The following LRP1B variants were observed in gnomAD, a reference collection of about 807,000 sequenced individuals.
LRP1B encodes the protein low-density lipoprotein receptor-related protein 1B.
In LRP1B, 217 loss-of-function variants were observed where a neutral mutation model predicts 556.6. That is an observed-to-expected ratio of 0.39 (90% CI 0.35 to 0.44). LRP1B has a LOEUF of 0.44. Among genes scored for constraint, LRP1B ranks in the 20% least tolerant of loss-of-function variants. The pLI, the probability that LRP1B is intolerant of heterozygous loss-of-function variation, is 1.00. For missense variants in LRP1B, 5,053 were observed against 5,620.8 expected (o/e 0.90, Z 3.23); for synonymous variants, 2,047 against 1,865.8 (o/e 1.10, Z -2.50).
intron 2 of LRP1B, among the ~76,000 whole-genome samples, chr2:141,722,245 G>A (rs918268621): frequency 6.6e-6 from 1 of 152,090 alleles, no homozygotes; most frequent in Non-Finnish European, 1.5e-5. Context: ...GGGCATGGTG[G>A]TGGGCACCTG....
intron 1 of LRP1B, among the ~76,000 whole-genome samples, chr2:141,830,793 G>A (rs1697089312): frequency 6.6e-6 from 1 of 151,726 alleles, no homozygotes; most frequent in Non-Finnish European, 1.5e-5. Context: ...AAACCAAAAG[G>A]AAAACTGTAA....
At chr2:142,068,938 G>A (rs1467745001) in intron 1 of LRP1B, among the ~76,000 whole-genome samples, 1 of 151,606 alleles carries the variant, frequency 6.6e-6, no homozygotes, top group Non-Finnish European at 1.5e-5. Flanking sequence ...ATGAATAATA[G>A]AATGTAGCTG....
At chr2:141,439,053 A>G (rs530694058) in intron 3 of LRP1B, among the ~76,000 whole-genome samples, 1 of 152,310 alleles carries the variant, frequency 6.6e-6, no homozygotes, top group African/African-American at 2.4e-5. Flanking sequence ...CAACCATTTT[A>G]TATAATGTTC....
chr2:140,364,890 C>G (rs1172851268), intron 71 of LRP1B, 107 bp from the exon 72 acceptor site: 1 of 861,646 alleles, frequency 1.2e-6, no homozygotes, highest in Non-Finnish European at 1.8e-6. Flanking sequence ...TTGACTGCTT[C>G]CATATATGTA....
intron 16 of LRP1B, among the ~76,000 whole-genome samples, chr2:140,990,412 A>G (rs879791512): frequency 1.3e-5 from 2 of 152,106 alleles, no homozygotes; most frequent in Non-Finnish European, 2.9e-5. Flanking sequence ...ATTTCTTAAC[A>G]TATTAACTAA....
At chr2:142,038,300 G>A (rs1703955311) in intron 1 of LRP1B, among the ~76,000 whole-genome samples, 2 of 151,470 alleles carry the variant, frequency 1.3e-5, no homozygotes, top group African/African-American at 4.8e-5. Context: ...CGATGTAATT[G>A]GAGCCTTAAA....
chr2:141,364,304 C>T lies in LRP1B; in HGVS notation c.344-109663G>A, dbSNP rs113771697. 5.7e-3 allele frequency among the ~76,000 whole-genome samples: 854 copies of T among 150,900 alleles called. 4 individuals carry two copies. The highest frequency in any genetic ancestry group is 8.1e-3 in the Non-Finnish European group (549 of 67,698). ...ACACACACACACACACGCAAACACA[C>T]ACACAGTTGAATGATTAAATCACAT... On this transcript the variant is annotated intron_variant, in intron 3 of 90. Coordinates refer to ENST00000389484, the MANE Select transcript of LRP1B (RefSeq NM_018557.3).
chr2:141,842,234 C>A (rs1056725226), intron 1 of LRP1B, among the ~76,000 whole-genome samples: 28 of 151,940 alleles, frequency 1.8e-4, no homozygotes, highest in Non-Finnish European at 7.4e-5. Context: ...TTACAGTGAA[C>A]CCTAATTATC....
intron 1 of LRP1B, among the ~76,000 whole-genome samples, chr2:141,829,951 G>A (rs895563335): frequency 6.6e-6 from 1 of 151,822 alleles, no homozygotes; most frequent in Non-Finnish European, 1.5e-5. Flanking sequence ...AGATGGTTTG[G>A]GGGTTTTGTC....
At chr2:140,517,201 G>A (rs1390566444) in intron 49 of LRP1B, among the ~76,000 whole-genome samples, 190 bp from the exon 50 acceptor site, 1 of 152,118 alleles carries the variant, frequency 6.6e-6, no homozygotes, top group Admixed American at 6.6e-5. Context: ...CCAGAACAGA[G>A]ACCCATGAGA....
intron 43 of LRP1B, among the ~76,000 whole-genome samples, chr2:140,553,984 G>A (rs920109678): frequency 2.0e-5 from 3 of 152,068 alleles, no homozygotes; most frequent in Non-Finnish European, 4.4e-5. Context: ...CTATGGGGAA[G>A]CCCCTGGAGG....
At chr2:141,065,778 G>A (rs1699464443) in intron 7 of LRP1B, among the ~76,000 whole-genome samples, 1 of 151,740 alleles carries the variant, frequency 6.6e-6, no homozygotes, top group Non-Finnish European at 1.5e-5. Flanking sequence ...CATATTTGAT[G>A]TTTTCTGAAC....
chr2:141,623,564 T>G (rs563140106), intron 2 of LRP1B, among the ~76,000 whole-genome samples: 3 of 152,292 alleles, frequency 2.0e-5, no homozygotes, highest in African/African-American at 7.2e-5. Context: ...ATACACCCAC[T>G]GAAAATACCC....
chr2:140,558,678 C>T (rs1028200394), intron 43 of LRP1B, among the ~76,000 whole-genome samples: 1 of 152,010 alleles, frequency 6.6e-6, no homozygotes, highest in African/African-American at 2.4e-5. Flanking sequence ...GTGCTTCACA[C>T]TTGAAATCCC....
intron 29 of LRP1B, among the ~76,000 whole-genome samples, chr2:140,848,891 T>C (rs903287958): frequency 3.9e-5 from 6 of 152,270 alleles, no homozygotes; most frequent in African/African-American, 1.4e-4. Flanking sequence ...TTCATATATG[T>C]TCTCAGTGTT....
intron 66 of LRP1B, among the ~76,000 whole-genome samples, chr2:140,408,424 G>C (rs768870554): frequency 6.6e-6 from 1 of 151,952 alleles, no homozygotes; most frequent in Non-Finnish European, 1.5e-5. Flanking sequence ...TTATAGCAAT[G>C]AATGAAACAG....
chr2:140,875,306 C>T (rs1693271193), intron 25 of LRP1B, among the ~76,000 whole-genome samples: 1 of 152,024 alleles, frequency 6.6e-6, no homozygotes, highest in South Asian at 2.1e-4. Context: ...AGTATATGGG[C>T]CCTTGTGTCA....
chr2:141,528,864 T>C (rs1684781606), intron 2 of LRP1B, among the ~76,000 whole-genome samples: 1 of 152,172 alleles, frequency 6.6e-6, no homozygotes, highest in Non-Finnish European at 1.5e-5. Flanking sequence ...TAAGTACTGT[T>C]TACCTTTTAT....
chr2:140,908,735 G>A (rs1156731770), intron 21 of LRP1B, among the ~76,000 whole-genome samples: 1 of 152,086 alleles, frequency 6.6e-6, no homozygotes, highest in East Asian at 1.9e-4. Context: ...AATAATTATT[G>A]TTTAGCCAGC....
Sources: allele counts gnomAD v4.1 joint callset (sites outside exome capture counted in the v4.1 genomes callset), GRCh38; gene constraint gnomAD v4.1.1; transcripts MANE v1.5; gene names NCBI Gene and HGNC (gene_info 2026-07-23, HGNC 2026-07-21).